GAS2: variants seen among roughly 807,000 people sequenced by gnomAD.
GAS2 encodes growth arrest-specific protein 2.
In GAS2, 20 loss-of-function variants were observed where a neutral mutation model predicts 37.5. The observed-to-expected ratio is 0.53, with a 90% CI of 0.37 to 0.77. The LOEUF is 0.77. GAS2 is among the 30% of genes least tolerant of loss of function. The probability of loss-of-function intolerance (pLI) is 0.00; values close to 1 mark genes in which losing one functional copy is unlikely to be tolerated. For synonymous variants in GAS2, 144 were observed against 132.2 expected, an observed-to-expected ratio of 1.09 and a Z score of -0.61; for missense variants, 336 against 373.4, an observed-to-expected ratio of 0.90 and a Z score of 0.82.
At chr11:22,725,222 A>T (rs1004444335) in intron 3 of GAS2, among the ~76,000 whole-genome samples, 9 of 151,984 alleles carry the variant, frequency 5.9e-5, no homozygotes, top group African/African-American at 2.2e-4. Context: ...TCCTGCTTAA[A>T]ATTTTACGAG....
intron 2 of GAS2, among the ~76,000 whole-genome samples, chr11:22,676,772 T>TAAA (rs55904107): frequency 6.6e-6 from 1 of 151,566 alleles, no homozygotes; most frequent in African/African-American, 2.4e-5. Context: ...TAAGCATTGG[T>TAAA]AAAAAAAAGT....
chr11:22,705,040 A>G (rs914333505), intron 3 of GAS2, among the ~76,000 whole-genome samples: 1 of 151,972 alleles, frequency 6.6e-6, no homozygotes, highest in African/African-American at 2.4e-5. Context: ...AATAATTTAA[A>G]ACTCAAAGTA....
At chr11:22,665,261 A>G (rs1848965262), upstream of GAS2, among the ~76,000 whole-genome samples, 3 of 152,190 alleles carry the variant, frequency 2.0e-5, no homozygotes, top group African/African-American at 7.2e-5. Context: ...TGAACTCATT[A>G]CATATTTGGA....
intron 7 of GAS2, among the ~76,000 whole-genome samples, chr11:22,802,029 A>T (rs1856684818): frequency 6.6e-6 from 1 of 152,110 alleles, no homozygotes; most frequent in African/African-American, 2.4e-5. Context: ...AAGCAAAAAG[A>T]CAACTTTGAG....
At chr11:22,788,988 T>A (rs1855960257) in intron 7 of GAS2, among the ~76,000 whole-genome samples, 1 of 152,000 alleles carries the variant, frequency 6.6e-6, no homozygotes, top group Admixed American at 6.6e-5. Flanking sequence ...AATAGATATT[T>A]TAAATCCCTC....
chr11:22,696,013 A>G (rs1850491302), intron 3 of GAS2, among the ~76,000 whole-genome samples: 2 of 151,958 alleles, frequency 1.3e-5, no homozygotes. Flanking sequence ...ACATATATAT[A>G]CATGTACAAT....
intron 3 of GAS2, among the ~76,000 whole-genome samples, chr11:22,699,313 G>A (rs1443094739): frequency 6.6e-6 from 1 of 152,116 alleles, no homozygotes. Flanking sequence ...TCTACAAAGG[G>A]ACCCAAACTC....
intron 5 of GAS2, among the ~76,000 whole-genome samples, chr11:22,740,062 G>A (rs545311378): frequency 6.6e-6 from 1 of 152,220 alleles, no homozygotes; most frequent in South Asian, 2.1e-4. Context: ...AAGACAAGCT[G>A]CCCAATTAGA....
chr11:22,759,839 C>T (rs967290371), intron 7 of GAS2, among the ~76,000 whole-genome samples: 2 of 152,154 alleles, frequency 1.3e-5, no homozygotes, highest in Non-Finnish European at 2.9e-5. Flanking sequence ...TTTATTCAGT[C>T]AGTTGGTATC....
chr11:22,635,806 C>CA (rs1554964499), intron 1 of GAS2, among the ~76,000 whole-genome samples: 1 of 152,218 alleles, frequency 6.6e-6, no homozygotes, highest in Non-Finnish European at 1.5e-5. Context: ...GGAGTGCATG[C>CA]AAAGCATGTG....
At chr11:22,663,819 T>A (rs1038397315), upstream of GAS2, among the ~76,000 whole-genome samples, 2 of 152,182 alleles carry the variant, frequency 1.3e-5, no homozygotes, top group Non-Finnish European at 2.9e-5. Context: ...TATGCTAGGA[T>A]TTATAAAATT....
intron 4 of GAS2, among the ~76,000 whole-genome samples, chr11:22,727,855 G>A (rs561772330): frequency 1.4e-3 from 207 of 152,070 alleles, no homozygotes; most frequent in African/African-American, 4.7e-3. Flanking sequence ...GCGAGTGGAG[G>A]ATTATAGGAA....
At chr11:22,746,633 A>T (rs554908528) in intron 5 of GAS2, among the ~76,000 whole-genome samples, 49 of 152,318 alleles carry the variant, frequency 3.2e-4, no homozygotes, top group Non-Finnish European at 6.3e-4. Context: ...TCTCACTTAT[A>T]CATGAGAGCT....
chr11:22,792,851 C>T (rs956108936), intron 7 of GAS2, among the ~76,000 whole-genome samples: 3 of 152,212 alleles, frequency 2.0e-5, no homozygotes, highest in Non-Finnish European at 4.4e-5. Flanking sequence ...CAAGCTTCAC[C>T]TACTCATATT....
chr11:22,802,979 G>A (rs534924820), intron 7 of GAS2, among the ~76,000 whole-genome samples: 1 of 152,248 alleles, frequency 6.6e-6, no homozygotes, highest in South Asian at 2.1e-4. Context: ...TAGGTGTGTA[G>A]AAGGCTGTGC....
upstream of GAS2, among the ~76,000 whole-genome samples, chr11:22,664,885 AT>A (rs1194442566): frequency 2.0e-5 from 3 of 152,286 alleles, no homozygotes; most frequent in South Asian, 2.1e-4. Context: ...ACCAAAAAAA[AT>A]ATTCAGTACA....
At position 22,800,557 on chromosome 11, in the gene GAS2, G is replaced by A. The variant is rs577186375; in HGVS notation, c.724-11241G>A. Among the ~76,000 whole-genome samples the A allele has an allele frequency of 7.2e-5, 11 of 152,136 alleles. No homozygotes were observed. In the South Asian group the frequency reaches 1.2e-3, roughly 17 times the overall value. On this transcript the variant is annotated intron_variant, in intron 7 of 7. Coordinates refer to ENST00000454584, the MANE Select transcript of GAS2 (RefSeq NM_001143830.3). ...ATGAGGAGACATCCTGCTGAAAAGCGTTCATGTCCTCAAGGTCTAATGACA... is the reference window on the plus strand; with the variant it reads ...ATGAGGAGACATCCTGCTGAAAAGCATTCATGTCCTCAAGGTCTAATGACA...
chr11:22,788,644 AGCTTATGTGAT>A (rs1168038639), intron 7 of GAS2, among the ~76,000 whole-genome samples: 1 of 152,172 alleles, frequency 6.6e-6, no homozygotes, highest in East Asian at 1.9e-4. Flanking sequence ...TTGGGGACAG[AGCTTATGTGAT>A]GCTTCATGAA....
chr11:22,735,225 T>TG (rs34810179), intron 4 of GAS2, among the ~76,000 whole-genome samples: 4 of 17,194 alleles, frequency 2.3e-4, no homozygotes, highest in African/African-American at 3.1e-4. Context: ...CCAATCATTC[T>TG]TTTTTTTTTT....
Sources: gnomAD v4.1 joint callset for allele counts (sites outside exome capture counted in the v4.1 genomes callset) on GRCh38, gnomAD v4.1.1 for gene constraint, MANE v1.5 for transcripts, NCBI Gene and HGNC (gene_info 2026-07-23, HGNC 2026-07-21) for gene names.